The following UPF2 variants were observed in gnomAD, a reference collection of about 807,000 sequenced individuals.
UPF2 encodes UPF2 regulator of nonsense mediated mRNA decay.
In UPF2, 17 loss-of-function variants were observed where a neutral mutation model predicts 141.4. The ratio of observed to expected loss-of-function variants is 0.12; its 90% CI spans 0.08 to 0.18. The LOEUF is 0.18. Ranked by LOEUF, UPF2 falls within the 10% of genes least tolerant of loss-of-function variation. UPF2 has a pLI of 1.00. For missense variants in UPF2, 1,152 were observed against 1,515.9 expected (o/e 0.76, Z 3.99); for synonymous variants, 540 against 498.0 (o/e 1.08, Z -1.12).
intron 8 of UPF2, among the ~76,000 whole-genome samples, chr10:11,996,405 T>C (rs1481609278): frequency 6.6e-6 from 1 of 151,570 alleles, no homozygotes; most frequent in Non-Finnish European, 1.5e-5. Flanking sequence ...TGGAGTGCAA[T>C]AGCATGATCT....
At chr10:11,986,792 G>C (rs1833698918) in intron 8 of UPF2, among the ~76,000 whole-genome samples, 1 of 152,154 alleles carries the variant, frequency 6.6e-6, no homozygotes, top group South Asian at 2.1e-4. Flanking sequence ...AGCGCCACCA[G>C]GTGGTGCAAC....
At chr10:11,946,841 A>T (rs1227007791) in intron 16 of UPF2, among the ~76,000 whole-genome samples, 2 of 152,176 alleles carry the variant, frequency 1.3e-5, no homozygotes, top group Non-Finnish European at 2.9e-5. Flanking sequence ...CAGCCTCCCG[A>T]GTAGCTGGTA....
Position 11,936,816 on chromosome 10 carries a change from C to T in UPF2, c.3379-104G>A, listed in dbSNP as rs1230569488. ...CAATGCTGTATTTCTTAAAACACAACAATCATAAGAGCCATAACAGTCAAC... is the reference window on the plus strand; with the variant it reads ...CAATGCTGTATTTCTTAAAACACAATAATCATAAGAGCCATAACAGTCAAC... On this transcript the variant is annotated intron_variant, in intron 18 of 21. Coordinates refer to ENST00000357604, the MANE Select transcript of UPF2 (RefSeq NM_015542.4). The surrounding 1 kb of genome is among the most constrained non-coding windows in gnomAD (Gnocchi z 6.6). The T allele has an allele frequency of 7.1e-6, 8 of 1,119,292 alleles. No individual in the cohort carries two copies. Among genetic ancestry groups the T allele is most frequent in the Non-Finnish European group, 9.7e-6 (8 of 822,296 alleles). 69.3% of individuals were successfully genotyped at this position (1,119,292 alleles called of 1,614,324 possible). A position where few individuals can be genotyped will look rare whatever the true frequency, so the allele number is the denominator to read the frequency against.
At chr10:11,972,063 C>CAAA (rs58355538) in intron 9 of UPF2, among the ~76,000 whole-genome samples, 20 of 100,998 alleles carry the variant, frequency 2.0e-4, no homozygotes, top group African/African-American at 3.2e-4. Context: ...GACTCTGTCT[C>CAAA]AAAAAAAAAA....
At chr10:12,035,534 T>C (rs1185509389) in intron 1 of UPF2, 93 bp from the exon 2 acceptor site, 17 of 1,334,112 alleles carry the variant, frequency 1.3e-5, no homozygotes, top group Non-Finnish European at 1.7e-5. Context: ...TTAATGCAAC[T>C]TGGCAATTGT....
At chr10:12,028,672 A>G (rs1025556108) in intron 3 of UPF2, 73 bp downstream of exon 3, 43 of 1,456,070 alleles carry the variant, frequency 3.0e-5, no homozygotes, top group Admixed American at 4.7e-5. Flanking sequence ...TTTCAGTGGC[A>G]TGAAGACTTT....
chr10:12,009,711 T>A (rs1003933671), intron 4 of UPF2, among the ~76,000 whole-genome samples: 1 of 152,166 alleles, frequency 6.6e-6, no homozygotes, highest in Non-Finnish European at 1.5e-5. Flanking sequence ...GAGTTGAGGA[T>A]GAGAGCTGAG....
At chr10:11,937,505 C>A (rs1832868670) in intron 18 of UPF2, among the ~76,000 whole-genome samples, 1 of 152,202 alleles carries the variant, frequency 6.6e-6, no homozygotes, top group Admixed American at 6.5e-5. Flanking sequence ...ATGTTAAAGA[C>A]TTCATAAACT....
At chr10:11,941,477 GC>G (rs1027349247) in intron 18 of UPF2, among the ~76,000 whole-genome samples, 6 of 151,960 alleles carry the variant, frequency 3.9e-5, no homozygotes, top group African/African-American at 1.5e-4. Context: ...TTTGGCTGTA[GC>G]AGCATCAAGG....
chr10:11,928,780 G>A, intron 21 of UPF2: 1 of 286,844 alleles, frequency 3.5e-6, no homozygotes, highest in Admixed American at 4.9e-5. Context: ...ATTCTTTATA[G>A]AGTTTTAAAT....
intron 9 of UPF2, among the ~76,000 whole-genome samples, chr10:11,972,844 A>G (rs1285363673): frequency 3.9e-5 from 6 of 152,160 alleles, no homozygotes; most frequent in African/African-American, 7.2e-5. Context: ...CAATAAGCAT[A>G]CGTGTGCGTG....
intron 3 of UPF2, among the ~76,000 whole-genome samples, chr10:12,022,673 T>TACTACCAATTAATTAATTGGTATTA (rs773777516): frequency 2.6e-5 from 4 of 152,132 alleles, no homozygotes; most frequent in African/African-American, 7.2e-5. Flanking sequence ...TGTGCTTAAA[T>TACTACCAATTAATTAATTGGTATTA]ACTACCAATT....
chr10:11,948,312 TA>T, intron 16 of UPF2, 56 bp downstream of exon 16: 1 of 1,444,194 alleles, frequency 6.9e-7, no homozygotes, highest in South Asian at 1.4e-5. Context: ...TTGGCTCATA[TA>T]ATCAAAATAC....
chr10:12,040,840 G>C (rs1171106702), intron 1 of UPF2, among the ~76,000 whole-genome samples: 1 of 152,134 alleles, frequency 6.6e-6, no homozygotes, highest in African/African-American at 2.4e-5. Flanking sequence ...CATGAGGGAG[G>C]CATTAATAAA....
chr10:11,934,292 G>A (rs1208050526), intron 19 of UPF2, among the ~76,000 whole-genome samples: 3 of 152,182 alleles, frequency 2.0e-5, no homozygotes, highest in Middle Eastern at 3.2e-3. Flanking sequence ...AAAGATCTCA[G>A]GACAATGCCA....
At position 11,977,388 on chromosome 10, in the gene UPF2, C is replaced by T. The variant is rs561621643; in HGVS notation, c.1953+1669G>A. 3.9e-5 allele frequency among the ~76,000 whole-genome samples: 6 copies of T among 152,156 alleles called. No individual in the cohort carries two copies. In the South Asian group the frequency reaches 6.2e-4, roughly 16 times the overall value. ...CTTCTCTCCTTCGAGAGCACTGGTTCCCAAAGTATGCTCCTGGAGTTCTGA... is the reference window on the plus strand; with the variant it reads ...CTTCTCTCCTTCGAGAGCACTGGTTTCCAAAGTATGCTCCTGGAGTTCTGA... On this transcript the variant is annotated intron_variant, in intron 9 of 21. Transcript: ENST00000357604.
At chr10:12,002,903 T>C (rs117596927) in intron 5 of UPF2, among the ~76,000 whole-genome samples, 146 of 152,358 alleles carry the variant, frequency 9.6e-4, no homozygotes, top group Non-Finnish European at 1.9e-3. Flanking sequence ...CAGGAATGTA[T>C]ACTTAAATTG....
At chr10:11,938,853 G>GTTTGTTTTTTTTTT (rs1832889677) in intron 18 of UPF2, among the ~76,000 whole-genome samples, 1 of 79,816 alleles carries the variant, frequency 1.3e-5, no homozygotes, top group Admixed American at 1.7e-4. Flanking sequence ...TTTTTTTTTT[G>GTTTGTTTTTTTTTT]TTTTTTTTTT....
At chr10:12,017,533 C>T (rs556374915) in intron 3 of UPF2, among the ~76,000 whole-genome samples, 2 of 152,284 alleles carry the variant, frequency 1.3e-5, no homozygotes, top group South Asian at 4.1e-4. Flanking sequence ...AGTTCCTCTC[C>T]AGTACTGCTG....
Sources: allele counts gnomAD v4.1 joint callset (sites outside exome capture counted in the v4.1 genomes callset), GRCh38; gene constraint gnomAD v4.1.1; non-coding constraint Gnocchi (gnomAD v3.1); transcripts MANE v1.5; gene names NCBI Gene and HGNC (gene_info 2026-07-23, HGNC 2026-07-21).